The following MSI2 variants were observed in gnomAD, a reference collection of about 807,000 sequenced individuals.
The protein encoded by MSI2 is RNA-binding protein Musashi homolog 2.
A neutral mutation model predicts 45.6 loss-of-function variants in MSI2; 17 were observed. The observed-to-expected ratio is 0.37, with a 90% confidence interval of 0.26 to 0.56. The LOEUF (loss-of-function observed/expected upper bound fraction) is 0.56. Ranked by LOEUF, MSI2 falls within the 20% of genes least tolerant of loss-of-function variation. MSI2 has a pLI of 0.77. For missense variants in MSI2, 293 were observed against 444.2 expected, an observed-to-expected ratio of 0.66 and a Z score of 3.06; for synonymous variants, 156 against 158.2, an observed-to-expected ratio of 0.99 and a Z score of 0.11.
intron 7 of MSI2, among the ~76,000 whole-genome samples, chr17:57,591,005 C>T (rs1438833726): frequency 6.6e-6 from 1 of 152,218 alleles, no homozygotes; most frequent in Non-Finnish European, 1.5e-5. Context: ...TGCCAGCCCT[C>T]ACAGACTCGC....
intron 9 of MSI2, among the ~76,000 whole-genome samples, chr17:57,621,627 A>C (rs1908297504): frequency 6.6e-6 from 1 of 152,248 alleles, no homozygotes; most frequent in Non-Finnish European, 1.5e-5. Context: ...AATATCATTT[A>C]AGATTTTCTC....
At chr17:57,547,638 G>A (rs999176719) in intron 7 of MSI2, among the ~76,000 whole-genome samples, 8 of 151,934 alleles carry the variant, frequency 5.3e-5, no homozygotes, top group African/African-American at 1.5e-4. Flanking sequence ...TATGGGGACT[G>A]CTTTGGTGGA....
At chr17:57,419,034 G>T (rs545272002) in intron 6 of MSI2, among the ~76,000 whole-genome samples, 1 of 152,274 alleles carries the variant, frequency 6.6e-6, no homozygotes, top group South Asian at 2.1e-4. Flanking sequence ...GTGGGCTGAG[G>T]TTCTTAGTAT....
chr17:57,331,673 G>T (rs545146846), intron 5 of MSI2, among the ~76,000 whole-genome samples: 18 of 152,198 alleles, frequency 1.2e-4, no homozygotes, highest in Non-Finnish European at 2.2e-4. Context: ...GACTGGAGGT[G>T]CTTGGCATGT....
intron 7 of MSI2, among the ~76,000 whole-genome samples, chr17:57,567,577 C>G (rs1323165875): frequency 6.6e-6 from 1 of 152,192 alleles, no homozygotes; most frequent in Admixed American, 6.5e-5. Context: ...CTGCCTTAAC[C>G]GGCAGTTAAC....
intron 5 of MSI2, among the ~76,000 whole-genome samples, chr17:57,380,302 G>A (rs983004850): frequency 1.3e-5 from 2 of 152,198 alleles, no homozygotes; most frequent in Non-Finnish European, 2.9e-5. Flanking sequence ...CCCCCAGAGC[G>A]TGCGTAAATC....
intron 5 of MSI2, among the ~76,000 whole-genome samples, chr17:57,357,933 A>G (rs1279314331): frequency 6.6e-6 from 1 of 151,932 alleles, no homozygotes; most frequent in Non-Finnish European, 1.5e-5. Flanking sequence ...TCCAGCCAGG[A>G]TCTCTGTACA....
chr17:57,331,537 T>A (rs927002400), intron 5 of MSI2, among the ~76,000 whole-genome samples: 3 of 152,238 alleles, frequency 2.0e-5, no homozygotes, highest in African/African-American at 4.8e-5. Context: ...GAATAGCTGC[T>A]GTTTTCCTTC....
chr17:57,387,366 T>G (rs909843998), intron 5 of MSI2, among the ~76,000 whole-genome samples: 4 of 152,242 alleles, frequency 2.6e-5, no homozygotes, highest in Non-Finnish European at 5.9e-5. Context: ...ATAAGTTTTC[T>G]TTTATGTGAG....
In MSI2 at chr17:57,683,333, CTTG is replaced by C; in HGVS notation, c.*3822_*3824del. On this transcript the variant is annotated 3_prime_UTR_variant, in exon 14 of 14. Coordinates refer to ENST00000284073, the MANE Select transcript of MSI2 (RefSeq NM_138962.4). The surrounding 1 kb of genome is among the most constrained non-coding windows in gnomAD (Gnocchi z 5.2). Reference sequence around the variant, plus strand: ...TTTGATTTCTTGGGGGTGGGTTTTGCTTGTTGTTCCTTTTCATTTGGGGGTTTT... The same window carrying C: ...TTTGATTTCTTGGGGGTGGGTTTTGCTTGTTCCTTTTCATTTGGGGGTTTT... The C allele has an allele frequency of 4.3e-6, 1 of 230,082 alleles. No individual in the cohort carries two copies. Among genetic ancestry groups the C allele is most frequent in the Non-Finnish European group, 8.6e-6 (1 of 116,178 alleles). 14.3% of individuals were successfully genotyped at this position (230,082 alleles called of 1,614,324 possible). A position where few individuals can be genotyped will look rare whatever the true frequency, so the allele number is the denominator to read the frequency against.
intron 11 of MSI2, among the ~76,000 whole-genome samples, chr17:57,665,066 G>A (rs1195256370): frequency 6.6e-6 from 1 of 152,226 alleles, no homozygotes; most frequent in Non-Finnish European, 1.5e-5. Flanking sequence ...TGGTACCCCA[G>A]CCTCCTCTAA....
chr17:57,544,086 C>T (rs571999387), intron 7 of MSI2, among the ~76,000 whole-genome samples: 3 of 151,784 alleles, frequency 2.0e-5, no homozygotes, highest in African/African-American at 4.8e-5. Context: ...TGTGTATGTG[C>T]GTGTGAGTGT....
chr17:57,333,581 G>A (rs1408579089), intron 5 of MSI2, among the ~76,000 whole-genome samples: 1 of 151,974 alleles, frequency 6.6e-6, no homozygotes, highest in African/African-American at 2.4e-5. Context: ...TGGATTACAG[G>A]TGTGTGCCAC....
At chr17:57,631,775 T>C (rs1357339238) in intron 10 of MSI2, 2 of 1,605,846 alleles carry the variant, frequency 1.2e-6, no homozygotes, top group Admixed American at 3.3e-5. Flanking sequence ...ATTTCTGTTC[T>C]TATTTCACTT....
Position 57,359,372 on chromosome 17 carries a change from AAGAGCATGGGTCTT to A in MSI2, c.313-42005_313-41992del, listed in dbSNP as rs1916667817. On this transcript the variant is annotated intron_variant, in intron 5 of 13. Transcript: ENST00000284073. The stretch of plus-strand genomic sequence containing the variant: ...AGATAGAATAGGGTGATTGATAGTT[AAGAGCATGGGTCTT>A]AAAGTCAGAAAGACAAAGGCTCCAA... Among the ~76,000 whole-genome samples the A allele has an allele frequency of 2.0e-5, 3 of 152,358 alleles. No homozygotes were observed. The South Asian group carries it at 6.2e-4, about 32-fold the overall frequency.
At chr17:57,590,222 C>T (rs1271579522) in intron 7 of MSI2, among the ~76,000 whole-genome samples, 1 of 152,024 alleles carries the variant, frequency 6.6e-6, no homozygotes, top group Non-Finnish European at 1.5e-5. Context: ...TACATGATTG[C>T]CCATTAGTGT....
chr17:57,502,608 TATATATATATATATATATATATATATA>T, intron 6 of MSI2, among the ~76,000 whole-genome samples: 1 of 94,372 alleles, frequency 1.1e-5, no homozygotes, highest in South Asian at 3.8e-4. Flanking sequence ...CTGAGATATA[TATATATATATATATATATATATATATA>T]TAGTCATCAT....
chr17:57,483,142 G>A (rs537750546), intron 6 of MSI2, among the ~76,000 whole-genome samples: 1 of 152,304 alleles, frequency 6.6e-6, no homozygotes, highest in African/African-American at 2.4e-5. Context: ...TGTATTAGGA[G>A]GTAGATGCTA....
chr17:57,392,446 G>T (rs1598208272), intron 5 of MSI2, among the ~76,000 whole-genome samples: 1 of 152,160 alleles, frequency 6.6e-6, no homozygotes, highest in East Asian at 1.9e-4. Flanking sequence ...TTTAATCAGA[G>T]GTAACGTTGT....
Sources: gnomAD v4.1 joint callset for allele counts (sites outside exome capture counted in the v4.1 genomes callset) on GRCh38, gnomAD v4.1.1 for gene constraint, Gnocchi (gnomAD v3.1) non-coding constraint, MANE v1.5 for transcripts, NCBI Gene and HGNC (gene_info 2026-07-23, HGNC 2026-07-21) for gene names.